The following POFUT2 variants were observed in gnomAD, a reference collection of about 807,000 sequenced individuals.
POFUT2 encodes GDP-fucose protein O-fucosyltransferase 2.
POFUT2 carries 30 observed loss-of-function variants against 55.0 expected under a neutral mutation model. That is an observed-to-expected ratio of 0.55 (90% CI 0.41 to 0.74). The LOEUF (loss-of-function observed/expected upper bound fraction) is 0.74, where lower values mean the gene tolerates loss of function less well. Ranked by LOEUF, POFUT2 falls within the 30% of genes least tolerant of loss-of-function variation. The probability of loss-of-function intolerance (pLI) is 0.00; values close to 1 mark genes in which losing one functional copy is unlikely to be tolerated. For missense variants in POFUT2, 524 were observed against 562.6 expected (o/e 0.93, Z 0.69); for synonymous variants, 267 against 231.1 (o/e 1.16, Z -1.41).
At position 45,278,165 on chromosome 21, in the gene POFUT2, C is replaced by T. The variant is rs756321826; in HGVS notation, c.643G>A (p.Val215Met). 13 of 1,611,406 alleles carry T rather than the reference C, an allele frequency of 8.1e-6. No homozygotes were observed. The highest frequency in any genetic ancestry group is 6.6e-5 in the South Asian group (6 of 91,038). Reference protein sequence around the residue: ...LLLRNTSARSVMLDRAENLLH... With the variant: ...LLLRNTSARSMMLDRAENLLH... ...AGGTTCTCGGCTCTGTCTAACATCA[C>T]GGACCTGTTTTTAAACAACAGAAGA... is the stretch of plus-strand genomic sequence containing the variant. Residue 215 changes from valine to methionine, a missense_variant, in exon 5 of 9, where the codon GTG becomes ATG. By Grantham distance (21) the Val-to-Met change is conservative. This residue lies in a region of POFUT2 where 250 missense variants were observed against 318.2 expected (regional missense o/e 0.79). Transcript: ENST00000349485.
rs1380175250 is a variant in POFUT2 at position 45,277,832 on chromosome 21, G to A, written c.705+271C>T. 30 of 534,374 alleles carry A rather than the reference G, an allele frequency of 5.6e-5. No homozygotes were observed. Among genetic ancestry groups the A allele is most frequent in the South Asian group, 3.4e-4 (15 of 44,610 alleles). 33.1% of individuals were successfully genotyped at this position (534,374 alleles called of 1,614,324 possible). A position where few individuals can be genotyped will look rare whatever the true frequency, so the allele number is the denominator to read the frequency against. On this transcript the variant is annotated intron_variant, in intron 5 of 8. Transcript: ENST00000349485. This position sits in a 1 kb window ranked among gnomAD's most constrained non-coding sequence, Gnocchi z 6.9. ...AGCCACTGACGGAGTCACTGACTCC[G>A]GGGCTGACTCCAGGGCGCTGCCACC... is the stretch of plus-strand genomic sequence containing the variant.
Position 45,285,762 on chromosome 21 carries a change from C to G in POFUT2, c.298G>C (p.Val100Leu). 6.2e-7 allele frequency: 1 copy of G among 1,613,810 alleles called. No individual in the cohort carries two copies. The highest frequency in any genetic ancestry group is 1.1e-5 in the South Asian group (1 of 91,082). The change falls in exon 2 of 9, where the codon GTC (valine) becomes CTC (leucine). Residue 100 changes from valine (V) to leucine (L), a missense_variant. By Grantham distance (32) the Val-to-Leu change is conservative. Coordinates refer to ENST00000349485, the MANE Select transcript of POFUT2 (RefSeq NM_133635.6). The surrounding 1 kb of genome is among the most constrained non-coding windows in gnomAD (Gnocchi z 4.9). ...AAAAACTCAGACCAGGGAATCCGGA[C>G]CTGGTGGATGTCAGGACTCTGCCAG... ...YHWQSPDIHQ[V>L]RIPWSEFFDL...
intron 3 of POFUT2, 42 bp downstream of exon 3, chr21:45,283,320 GACGCATGCGGCAGGGGGAGGT>G (rs2030965881): frequency 3.8e-6 from 3 of 798,840 alleles, no homozygotes; most frequent in Non-Finnish European, 5.2e-6. Context: ...GGGGGGGGGG[GACGCATGCGGCAGGGGGAGGT>G]GGGGGGGCAC....
chr21:45,283,589 G>A, intron 2 of POFUT2, 62 bp from the exon 3 acceptor site: 1 of 1,556,824 alleles, frequency 6.4e-7, no homozygotes, highest in Non-Finnish European at 8.8e-7. Context: ...TTACGGGCAT[G>A]CATCAGTCAC....
rs572620778 is a variant in POFUT2 at position 45,267,816 on chromosome 21, C to T, written c.1013-103G>A. 1.6e-5 allele frequency: 16 copies of T among 1,015,646 alleles called. No individual in the cohort carries two copies. Among genetic ancestry groups the T allele is most frequent in the Admixed American group, 4.0e-5 (2 of 50,012 alleles). The allele number at this position is 1,015,646 out of a possible 1,614,324, so 62.9% of individuals were successfully genotyped here. A position where few individuals can be genotyped will look rare whatever the true frequency, so the allele number is the denominator to read the frequency against. On this transcript the variant is annotated intron_variant, in intron 7 of 8. Coordinates refer to ENST00000349485, the MANE Select transcript of POFUT2 (RefSeq NM_133635.6). This position sits in a 1 kb window ranked among gnomAD's most constrained non-coding sequence, Gnocchi z 4.4. ...ATGCGTACTTGGCTTCTGGTTAATT[C>T]GTTAGGAACTGGCTCCAAAGGTGCA...
intron 8 of POFUT2, chr21:45,266,976 CCA>C: frequency 9.7e-7 from 1 of 1,031,002 alleles, no homozygotes. Context: ...CACAGCAACC[CCA>C]GAGGAATGAC....
rs1000747148 is a variant in POFUT2 at position 45,270,995 on chromosome 21, A to G, written c.832-976T>C. On this transcript the variant is annotated intron_variant, in intron 6 of 8. Coordinates refer to ENST00000349485, the MANE Select transcript of POFUT2 (RefSeq NM_133635.6). The surrounding 1 kb of genome is among the most constrained non-coding windows in gnomAD (Gnocchi z 4.6). ...ATATGACAAAACAAGGTTCTATAGT[A>G]CCCCCAAAAGATCATAGTAGCTCCC... 6.6e-6 allele frequency among the ~76,000 whole-genome samples: 1 copy of G among 152,156 alleles called. No homozygotes were observed. The highest frequency in any genetic ancestry group is 6.5e-5 in the Admixed American group (1 of 15,272).
At position 45,270,625 on chromosome 21, in the gene POFUT2, C is replaced by G. The variant is rs2093210494; in HGVS notation, c.832-606G>C. On this transcript the variant is annotated intron_variant, in intron 6 of 8. Coordinates refer to ENST00000349485, the MANE Select transcript of POFUT2 (RefSeq NM_133635.6). The surrounding 1 kb of genome is among the most constrained non-coding windows in gnomAD (Gnocchi z 4.6). ...CCAGTGCACTCAACAAAACTACAAC[C>G]AAGGACCCCCCCAGAGTCCACTTCA... Among the ~76,000 whole-genome samples, 7 of 152,206 alleles carry G rather than the reference C, an allele frequency of 4.6e-5. No homozygotes were observed. Among genetic ancestry groups the G allele is most frequent in the Admixed American group, 4.6e-4 (7 of 15,290 alleles).
chr21:45,272,704 C>G (rs1292799584), intron 6 of POFUT2, among the ~76,000 whole-genome samples: 1 of 152,128 alleles, frequency 6.6e-6, no homozygotes, highest in African/African-American at 2.4e-5. Context: ...GTCAAGTACC[C>G]TCTCAGACCA....
At chr21:45,271,053 C>G (rs2330102) in intron 6 of POFUT2, among the ~76,000 whole-genome samples, 62,512 of 151,846 alleles carry the variant, frequency 0.41, 13,403 homozygotes, top group South Asian at 0.54. Context: ...AGAAATCTCT[C>G]AATTGCCAGA....
Position 45,264,388 on chromosome 21 carries a change from C to T in POFUT2, c.*1094G>A, listed in dbSNP as rs1169884060. ...AGAGGGTGAGGGGGGCTCCCTGACC[C>T]TGAGGACCCCTGAGGCACTGCTGCA... On this transcript the variant is annotated 3_prime_UTR_variant, in exon 9 of 9. Transcript: ENST00000349485. 5 of 152,336 alleles carry T rather than the reference C, an allele frequency of 3.3e-5. No individual in the cohort carries two copies. The highest frequency in any genetic ancestry group is 1.3e-4 in the Admixed American group (2 of 15,294). The allele number at this position is 152,336 out of a possible 1,614,324, so 9.4% of individuals were successfully genotyped here.
chr21:45,283,183 G>C (rs77466947), intron 3 of POFUT2, among the ~76,000 whole-genome samples, 200 bp downstream of exon 3: 2,507 of 148,812 alleles, frequency 0.017, 75 homozygotes, highest in African/African-American at 0.059. Flanking sequence ...GGGCACTGCG[G>C]GGGAGGCGGT....
intron 6 of POFUT2, among the ~76,000 whole-genome samples, chr21:45,271,901 T>G (rs1379788078): frequency 6.6e-6 from 1 of 152,222 alleles, no homozygotes; most frequent in Non-Finnish European, 1.5e-5. Context: ...AAAGAAGTTC[T>G]AAATCTTGAA....
rs769358329 is a variant in POFUT2 at position 45,267,572 on chromosome 21, A to G, written c.1136+18T>C. On this transcript the variant is annotated intron_variant, in intron 8 of 8. Coordinates refer to ENST00000349485, the MANE Select transcript of POFUT2 (RefSeq NM_133635.6). This position sits in a 1 kb window ranked among gnomAD's most constrained non-coding sequence, Gnocchi z 4.4. ...GCCACCCGACCCGCTCTCGGCCGAC[A>G]GTGACGTGGGCAGGCACCTGGCGTG... The G allele has an allele frequency of 6.2e-7, 1 of 1,614,070 alleles. No homozygotes were observed. Among genetic ancestry groups the G allele is most frequent in the Non-Finnish European group, 8.5e-7 (1 of 1,180,048 alleles).
chr21:45,285,591 G>GT lies in POFUT2; in HGVS notation c.382+86dup. 1.3e-6 allele frequency: 2 copies of GT among 1,546,828 alleles called. No homozygotes were observed. Among genetic ancestry groups the GT allele is most frequent in the Non-Finnish European group, 1.8e-6 (2 of 1,127,934 alleles). ...GATGCTGGTGAGGCTGGATGCAATC[G>GT]TAAGCCCAACCTGATGTCTACCTTA... On this transcript the variant is annotated intron_variant, in intron 2 of 8. Transcript: ENST00000349485. The surrounding 1 kb of genome is among the most constrained non-coding windows in gnomAD (Gnocchi z 4.9).
chr21:45,276,924 A>T, intron 6 of POFUT2, 93 bp downstream of exon 6: 1 of 1,408,922 alleles, frequency 7.1e-7, no homozygotes, highest in Non-Finnish European at 9.8e-7. Context: ...AGACACGCCA[A>T]CCCTGCTGTG....
chr21:45,285,705 C>T lies in POFUT2; in HGVS notation c.355G>A (p.Val119Ile), dbSNP rs146215070. 2.4e-4 allele frequency: 389 copies of T among 1,613,722 alleles called. No individual in the cohort carries two copies. Among genetic ancestry groups the T allele is most frequent in the Non-Finnish European group, 3.0e-4 (359 of 1,180,038 alleles). The change falls in exon 2 of 9, where the codon GTC becomes ATC. Residue 119 changes from valine (V) to isoleucine (I), a missense_variant. Transcript: ENST00000349485. This position sits in a 1 kb window ranked among gnomAD's most constrained non-coding sequence, Gnocchi z 4.9. ...DLPSLNKNIP[V>I]IEYEQFIAES... ...GCGATGAACTGCTCATACTCGATGA[C>T]GGGGATGTTTTTATTGAGACTTGGA...
rs978930536 is a variant in POFUT2 at position 45,281,124 on chromosome 21, C to T, written c.638+1225G>A. 6.6e-6 allele frequency among the ~76,000 whole-genome samples: 1 copy of T among 152,066 alleles called. No individual in the cohort carries two copies. Among genetic ancestry groups the T allele is most frequent in the Non-Finnish European group, 1.5e-5 (1 of 68,000 alleles). Reference sequence around the variant, plus strand: ...GGGTGCTGGGGGCAGATGACCTCACCGCCCATCATCAGCCTCCTTTTCCAC... The same window carrying T: ...GGGTGCTGGGGGCAGATGACCTCACTGCCCATCATCAGCCTCCTTTTCCAC... On this transcript the variant is annotated intron_variant, in intron 4 of 8. Coordinates refer to ENST00000349485, the MANE Select transcript of POFUT2 (RefSeq NM_133635.6). This position sits in a 1 kb window ranked among gnomAD's most constrained non-coding sequence, Gnocchi z 5.0.
chr21:45,266,718 A>G (rs552370458), intron 8 of POFUT2: 28 of 999,942 alleles, frequency 2.8e-5, no homozygotes, highest in Non-Finnish European at 3.3e-5. Context: ...CCATGCCCAG[A>G]ACACCACAGG....
Sources: allele counts gnomAD v4.1 joint callset (sites outside exome capture counted in the v4.1 genomes callset), GRCh38; gene constraint gnomAD v4.1.1; regional missense constraint gnomAD v4.1.1; non-coding constraint Gnocchi (gnomAD v3.1); transcripts MANE v1.5; gene names NCBI Gene and HGNC (gene_info 2026-07-23, HGNC 2026-07-21).